The following ERBB4 variants were observed in gnomAD, a reference collection of about 807,000 sequenced individuals.
ERBB4 encodes the protein erb-b2 receptor tyrosine kinase 4.
In ERBB4, 42 loss-of-function variants were observed where a neutral mutation model predicts 158.0. The observed-to-expected ratio is 0.27, with a 90% CI of 0.21 to 0.34. ERBB4 has a LOEUF of 0.34. Ranked by LOEUF, ERBB4 falls within the 10% of genes least tolerant of loss-of-function variation. ERBB4 has a pLI of 1.00. For missense variants in ERBB4, 1,333 were observed against 1,624.1 expected (o/e 0.82, Z 3.08); for synonymous variants, 583 against 558.7 (o/e 1.04, Z -0.61).
intron 7 of ERBB4, among the ~76,000 whole-genome samples, chr2:211,715,404 C>T (rs1035167044): frequency 6.6e-6 from 1 of 152,198 alleles, no homozygotes; most frequent in South Asian, 2.1e-4. Flanking sequence ...TCCTTAATAA[C>T]CTAATCTCTA....
At chr2:211,415,785 CTTCTT>C (rs2063376690) in intron 25 of ERBB4, among the ~76,000 whole-genome samples, 1 of 152,196 alleles carries the variant, frequency 6.6e-6, no homozygotes, top group Non-Finnish European at 1.5e-5. Context: ...AGATACCAAA[CTTCTT>C]TAATTTTCTT....
intron 1 of ERBB4, among the ~76,000 whole-genome samples, chr2:212,214,879 A>C (rs764143474): frequency 9.9e-5 from 15 of 151,688 alleles, no homozygotes; most frequent in Non-Finnish European, 2.1e-4. Flanking sequence ...CAGAAGTGTA[A>C]ATAGATTACA....
intron 9 of ERBB4, among the ~76,000 whole-genome samples, chr2:211,710,243 G>GT (rs1416969596): frequency 2.0e-5 from 3 of 152,144 alleles, no homozygotes; most frequent in African/African-American, 7.2e-5. Context: ...ATTCCCCACA[G>GT]TGAAAGGCTT....
At chr2:211,773,631 T>TATATATA (rs1459161717) in intron 4 of ERBB4, among the ~76,000 whole-genome samples, 99 of 91,230 alleles carry the variant, frequency 1.1e-3, no homozygotes, top group Middle Eastern at 0.011. Flanking sequence ...TATATATATA[T>TATATATA]ATATATATAT....
In ERBB4 at chr2:212,243,332, G is replaced by A. The variant is rs78699385; in HGVS notation, c.83-118429C>T. 9.5e-3 allele frequency among the ~76,000 whole-genome samples: 1,447 copies of A among 152,228 alleles called. 22 individuals carry two copies. Among genetic ancestry groups the A allele is most frequent in the African/African-American group, 0.033 (1,386 of 41,548 alleles). ...AATATGATTAAGAAGCATATTGGGA[G>A]GTTATTATTTCTAGCAGAAGGGTGA... On this transcript the variant is annotated intron_variant, in intron 1 of 27. Coordinates refer to ENST00000342788, the MANE Select transcript of ERBB4 (RefSeq NM_005235.3).
chr2:211,839,181 GGA>G (rs2077412665), intron 3 of ERBB4, among the ~76,000 whole-genome samples: 1 of 107,192 alleles, frequency 9.3e-6, no homozygotes, highest in African/African-American at 3.4e-5. Context: ...AGGAGGAGGA[GGA>G]GGAGGAGGAG....
rs1295073188 is a variant in ERBB4, at chr2:212,446,577, CCATATATATATATGTATATATA to C, written c.82+91850_82+91871del. The stretch of plus-strand genomic sequence containing the variant: ...ATGTAAGTTAATACTTAATAAACTC[CCATATATATATATGTATATATA>C]TATATATATATATATATATATATAT... On this transcript the variant is annotated intron_variant, in intron 1 of 27. Coordinates refer to ENST00000342788, the MANE Select transcript of ERBB4 (RefSeq NM_005235.3). Among the ~76,000 whole-genome samples, 26 of 36,036 alleles carry C rather than the reference CCATATATATATATGTATATATA, an allele frequency of 7.2e-4. 1 individual carries two copies. The highest frequency in any genetic ancestry group is 1.5e-3 in the Non-Finnish European group (24 of 16,056). The allele number at this position is 36,036 out of a possible 152,430, so 23.6% of individuals were successfully genotyped here.
intron 3 of ERBB4, among the ~76,000 whole-genome samples, chr2:211,806,913 C>CAATATCTTTTAAAGATACTTTTAAAGAT (rs2076631615): frequency 6.6e-6 from 1 of 151,912 alleles, no homozygotes; most frequent in Non-Finnish European, 1.5e-5. Context: ...TATCTTTTAA[C>CAATATCTTTTAAAGATACTTTTAAAGAT]AATATCTTTT....
chr2:212,006,410 T>A (rs1431733206), intron 2 of ERBB4, among the ~76,000 whole-genome samples: 1 of 152,108 alleles, frequency 6.6e-6, no homozygotes, highest in African/African-American at 2.4e-5. Context: ...AAATATGAAC[T>A]AATGTTCAAG....
chr2:212,364,899 C>CTG (rs758014109), intron 1 of ERBB4, among the ~76,000 whole-genome samples: 3 of 134,582 alleles, frequency 2.2e-5, no homozygotes, highest in Admixed American at 7.2e-5. Context: ...GTGTGTGCGT[C>CTG]TGTGTGTGTG....
chr2:211,673,212 G>C lies in ERBB4; in HGVS notation c.1668C>G (p.Asp556Glu), dbSNP rs376669939. ...FENGSICVEC[D>E]PQCEKMEDGL... ...CATCTTCCATCTTCTCACACTGGGG[G>C]TCACACTCCACACAGATGGAGCCAT... The change falls in exon 14 of 28, where the codon GAC becomes GAG. Residue 556 changes from aspartate (D) to glutamate (E), a missense_variant. Physicochemically the swap from Asp to Glu is conservative, Grantham distance 45. Coordinates refer to ENST00000342788, the MANE Select transcript of ERBB4 (RefSeq NM_005235.3). 7 of 1,613,774 alleles carry C rather than the reference G, an allele frequency of 4.3e-6. No homozygotes were observed. The Admixed American group carries it at 1.2e-4, about 27-fold the overall frequency.
At chr2:211,841,930 A>G (rs1384094157) in intron 3 of ERBB4, among the ~76,000 whole-genome samples, 1 of 152,080 alleles carries the variant, frequency 6.6e-6, no homozygotes, top group Non-Finnish European at 1.5e-5. Flanking sequence ...TTAAAATTAT[A>G]TATGGACATT....
intron 2 of ERBB4, among the ~76,000 whole-genome samples, chr2:212,110,927 G>A (rs1259867141): frequency 6.6e-6 from 1 of 152,158 alleles, no homozygotes; most frequent in African/African-American, 2.4e-5. Flanking sequence ...ACTGATAAAT[G>A]TTTTATTAAC....
chr2:212,427,096 T>C (rs763939604), intron 1 of ERBB4, among the ~76,000 whole-genome samples: 1 of 152,124 alleles, frequency 6.6e-6, no homozygotes, highest in Non-Finnish European at 1.5e-5. Context: ...TCTAATGCAG[T>C]AGTCCAACCC....
intron 3 of ERBB4, among the ~76,000 whole-genome samples, chr2:211,896,810 T>C (rs949777902): frequency 6.6e-6 from 1 of 152,076 alleles, no homozygotes. Flanking sequence ...TTTAAAATTA[T>C]TTTGAAAAGC....
chr2:211,717,851 C>A (rs1014522314), intron 7 of ERBB4, among the ~76,000 whole-genome samples: 1 of 152,128 alleles, frequency 6.6e-6, no homozygotes, highest in African/African-American at 2.4e-5. Context: ...ATCTACCCCC[C>A]TCATCCTTAT....
chr2:212,305,627 T>C (rs1330345781), intron 1 of ERBB4, among the ~76,000 whole-genome samples: 2 of 151,364 alleles, frequency 1.3e-5, no homozygotes, highest in African/African-American at 2.4e-5. Context: ...TGCCTCACTA[T>C]GGTAGAAACT....
intron 20 of ERBB4, among the ~76,000 whole-genome samples, chr2:211,481,540 TC>T (rs1201308921): frequency 6.6e-6 from 1 of 151,768 alleles, no homozygotes; most frequent in Non-Finnish European, 1.5e-5. Flanking sequence ...TTTTTTTTTT[TC>T]CTTACAAACC....
chr2:212,538,402 C>T (rs1693228594), intron 1 of ERBB4, 47 bp downstream of exon 1: 1 of 1,561,856 alleles, frequency 6.4e-7, no homozygotes, highest in Non-Finnish European at 8.8e-7. Flanking sequence ...GAGGCAGCCC[C>T]GCCGGCGGCT....
Sources: allele counts gnomAD v4.1 joint callset (sites outside exome capture counted in the v4.1 genomes callset), GRCh38; gene constraint gnomAD v4.1.1; transcripts MANE v1.5; gene names NCBI Gene and HGNC (gene_info 2026-07-23, HGNC 2026-07-21).